Variants in PARD3B observed in about 807,000 individuals in gnomAD.
PARD3B encodes partitioning defective 3 homolog B.
In PARD3B, 103 loss-of-function variants were observed where a neutral mutation model predicts 130.2. The observed-to-expected ratio is 0.79, with a 90% confidence interval of 0.67 to 0.93. The LOEUF (loss-of-function observed/expected upper bound fraction) is 0.93, where lower values mean the gene tolerates loss of function less well. Ranked by LOEUF, PARD3B falls within the 40% of genes least tolerant of loss-of-function variation. PARD3B has a pLI of 0.00. For missense variants in PARD3B, 1,609 were observed against 1,499.2 expected (o/e 1.07, Z -1.21); for synonymous variants, 583 against 553.2 (o/e 1.05, Z -0.76).
chr2:205,247,972 A>G (rs918657711), intron 16 of PARD3B, among the ~76,000 whole-genome samples: 2 of 152,052 alleles, frequency 1.3e-5, no homozygotes, highest in African/African-American at 4.8e-5. Flanking sequence ...TCTGTCACCC[A>G]GGCTGGAGTG....
At chr2:205,272,399 A>G (rs966810080) in intron 16 of PARD3B, among the ~76,000 whole-genome samples, 1 of 152,242 alleles carries the variant, frequency 6.6e-6, no homozygotes, top group Non-Finnish European at 1.5e-5. Flanking sequence ...ATAAATAAGA[A>G]GCACTAATAG....
intron 16 of PARD3B, among the ~76,000 whole-genome samples, chr2:205,261,138 T>C (rs1266979077): frequency 1.3e-5 from 2 of 152,182 alleles, no homozygotes; most frequent in Admixed American, 6.5e-5. Context: ...ATTTTTAATC[T>C]ATCCAAGATC....
At chr2:205,344,269 T>C (rs1008955559) in intron 18 of PARD3B, among the ~76,000 whole-genome samples, 2 of 150,784 alleles carry the variant, frequency 1.3e-5, no homozygotes, top group Non-Finnish European at 3.0e-5. Context: ...GCCGTGGAAC[T>C]GTTAAAAGAC....
chr2:205,496,343 T>C (rs2049924545), intron 20 of PARD3B, among the ~76,000 whole-genome samples: 1 of 152,204 alleles, frequency 6.6e-6, no homozygotes, highest in Non-Finnish European at 1.5e-5. Context: ...CCACCTTAAA[T>C]ACCTATTTAG....
At position 205,206,480 on chromosome 2, in the gene PARD3B, T is replaced by C. The variant is rs1049261382; in HGVS notation, c.2140+13160T>C. On this transcript the variant is annotated intron_variant, in intron 15 of 22. Coordinates refer to ENST00000406610, the MANE Select transcript of PARD3B (RefSeq NM_001302769.2). ...GAATATGTGGTGTTTGGTTTTCTGT[T>C]CTTGCGATAGTTTACCGAGAATGAT... Among the ~76,000 whole-genome samples the C allele has an allele frequency of 5.9e-5, 9 of 151,364 alleles. No homozygotes were observed. The East Asian group carries it at 1.6e-3, about 26-fold the overall frequency.
At chr2:204,579,963 A>G (rs553693847) in intron 1 of PARD3B, among the ~76,000 whole-genome samples, 1 of 152,372 alleles carries the variant, frequency 6.6e-6, no homozygotes, top group South Asian at 2.1e-4. Context: ...GTTTCCTTGA[A>G]TGACTCTTCT....
intron 12 of PARD3B, among the ~76,000 whole-genome samples, chr2:205,175,384 T>C (rs2035410314): frequency 6.6e-6 from 1 of 152,194 alleles, no homozygotes; most frequent in Non-Finnish European, 1.5e-5. Flanking sequence ...GGAAAAGTGT[T>C]ACAAGCCTTG....
At position 205,059,368 on chromosome 2, in the gene PARD3B, A is replaced by C. The variant is rs576164902; in HGVS notation, c.504+11678A>C. 2.0e-5 allele frequency among the ~76,000 whole-genome samples: 3 copies of C among 152,188 alleles called. No homozygotes were observed. The South Asian group carries it at 6.2e-4, about 32-fold the overall frequency. On this transcript the variant is annotated intron_variant, in intron 4 of 22. Transcript: ENST00000406610. Reference sequence around the variant, plus strand: ...ATGTATGAGAGTTATAATTTTTCACATGTGCAAAGAAAGCTTCTGTCTGTG... The same window carrying C: ...ATGTATGAGAGTTATAATTTTTCACCTGTGCAAAGAAAGCTTCTGTCTGTG...
chr2:205,254,572 A>G (rs2039989202), intron 16 of PARD3B, among the ~76,000 whole-genome samples: 1 of 152,028 alleles, frequency 6.6e-6, no homozygotes, highest in Non-Finnish European at 1.5e-5. Flanking sequence ...TAAAAGACAT[A>G]TATTTCAGGA....
At position 205,521,854 on chromosome 2, in the gene PARD3B, C is replaced by T. The variant is rs150586303; in HGVS notation, c.3180+21823C>T. Among the ~76,000 whole-genome samples, 141 of 152,124 alleles carry T rather than the reference C, an allele frequency of 9.3e-4. 1 individual carries two copies. Among genetic ancestry groups the T allele is most frequent in the Middle Eastern group, 3.4e-3 (1 of 294 alleles). ...TTTCATCTGTTTCTATGCTTTGTAA[C>T]AATGTCTATAATGTAGGAATTATCT... On this transcript the variant is annotated intron_variant, in intron 21 of 22. Transcript: ENST00000406610.
chr2:204,748,403 G>T (rs1200455850), intron 2 of PARD3B, among the ~76,000 whole-genome samples: 1 of 152,136 alleles, frequency 6.6e-6, no homozygotes, highest in Non-Finnish European at 1.5e-5. Flanking sequence ...AGATGTCCTA[G>T]TGTAATGTCC....
rs2106035943 is a variant in PARD3B at position 205,407,024 on chromosome 2, A to G, written c.2741+5901A>G. On this transcript the variant is annotated intron_variant, in intron 19 of 22. Coordinates refer to ENST00000406610, the MANE Select transcript of PARD3B (RefSeq NM_001302769.2). The surrounding 1 kb of genome is among the most constrained non-coding windows in gnomAD (Gnocchi z 4.1). ...TTAGATGATCTCTGGGGTTCTTTTC[A>G]GATATTCCAGTATGAGAAATATCTA... 6.6e-6 allele frequency among the ~76,000 whole-genome samples: 1 copy of G among 152,250 alleles called. No homozygotes were observed. The highest frequency in any genetic ancestry group is 1.5e-5 in the Non-Finnish European group (1 of 68,024).
chr2:204,795,304 A>G (rs1159220270), intron 2 of PARD3B, among the ~76,000 whole-genome samples: 1 of 152,218 alleles, frequency 6.6e-6, no homozygotes. Flanking sequence ...GATTGGAGAC[A>G]TTCCTTCACC....
chr2:204,659,941 T>TA (rs1403894852), intron 1 of PARD3B, among the ~76,000 whole-genome samples: 14 of 152,196 alleles, frequency 9.2e-5, no homozygotes, highest in Non-Finnish European at 2.1e-4. Context: ...ATTCTAGCAT[T>TA]AATGCCATTC....
intron 11 of PARD3B, among the ~76,000 whole-genome samples, chr2:205,161,629 T>C (rs2034511497): frequency 6.6e-6 from 1 of 152,234 alleles, no homozygotes; most frequent in South Asian, 2.1e-4. Context: ...GAAAATTGTT[T>C]TGAGACTTTG....
At chr2:205,394,545 A>G (rs1390351548) in intron 18 of PARD3B, among the ~76,000 whole-genome samples, 1 of 152,172 alleles carries the variant, frequency 6.6e-6, no homozygotes, top group Non-Finnish European at 1.5e-5. Context: ...GCCAATGTTC[A>G]TAGCAGCCTT....
In PARD3B at chr2:205,146,134, G is replaced by A. The variant is rs535935983; in HGVS notation, c.1435-12588G>A. Among the ~76,000 whole-genome samples the A allele has an allele frequency of 5.9e-5, 9 of 152,296 alleles. No homozygotes were observed. The highest frequency in any genetic ancestry group is 4.1e-4 in the South Asian group (2 of 4,830). On this transcript the variant is annotated intron_variant, in intron 10 of 22. Coordinates refer to ENST00000406610, the MANE Select transcript of PARD3B (RefSeq NM_001302769.2). This position sits in a 1 kb window ranked among gnomAD's most constrained non-coding sequence, Gnocchi z 4.3. ...CTCATCTGTGGATACAGCAGGCACCGTAGCCCATGTACTCACTTTAATGAG... is the reference window on the plus strand; with the variant it reads ...CTCATCTGTGGATACAGCAGGCACCATAGCCCATGTACTCACTTTAATGAG...
At chr2:205,077,604 C>T (rs975124724) in intron 4 of PARD3B, among the ~76,000 whole-genome samples, 2 of 152,026 alleles carry the variant, frequency 1.3e-5, no homozygotes, top group Admixed American at 6.6e-5. Context: ...CTTCTGTACC[C>T]CTCCAAATCT....
At chr2:205,334,349 T>C (rs12620034) in intron 18 of PARD3B, among the ~76,000 whole-genome samples, 31,597 of 152,162 alleles carry the variant, frequency 0.21, 4,202 homozygotes, top group Admixed American at 0.36. Flanking sequence ...ATAATAATCC[T>C]GGCCATTTGA....
Sources: gnomAD v4.1 joint callset for allele counts (sites outside exome capture counted in the v4.1 genomes callset) on GRCh38, gnomAD v4.1.1 for gene constraint, Gnocchi (gnomAD v3.1) non-coding constraint, MANE v1.5 for transcripts, NCBI Gene and HGNC (gene_info 2026-07-23, HGNC 2026-07-21) for gene names.